The following MAML2 variants were observed in gnomAD, a reference collection of about 807,000 sequenced individuals.
The protein encoded by MAML2 is mastermind like transcriptional coactivator 2, also known as mastermind-like protein 2.
In MAML2, 22 loss-of-function variants were observed where a neutral mutation model predicts 96.1. The observed-to-expected ratio is 0.23, with a 90% CI of 0.16 to 0.33. The LOEUF (loss-of-function observed/expected upper bound fraction) is 0.33. Among genes scored for constraint, MAML2 ranks in the 10% least tolerant of loss-of-function variants. The probability of loss-of-function intolerance (pLI) is 1.00; values close to 1 mark genes in which losing one functional copy is unlikely to be tolerated. For synonymous variants in MAML2, 561 were observed against 521.3 expected (o/e 1.08, Z -1.04); for missense variants, 1,367 against 1,392.4 (o/e 0.98, Z 0.29).
At chr11:95,997,722 A>G (rs1476461462) in intron 2 of MAML2, among the ~76,000 whole-genome samples, 1 of 152,118 alleles carries the variant, frequency 6.6e-6, no homozygotes, top group African/African-American at 2.4e-5. Flanking sequence ...CTTCATTTCA[A>G]TATTTCTGAG....
chr11:96,116,526 C>T (rs1860246052), intron 1 of MAML2, among the ~76,000 whole-genome samples: 1 of 152,152 alleles, frequency 6.6e-6, no homozygotes, highest in African/African-American at 2.4e-5. Context: ...AGTAGGAGGT[C>T]CTGGCTTGTG....
chr11:96,333,572 G>A (rs989867557), intron 1 of MAML2, among the ~76,000 whole-genome samples: 3 of 152,146 alleles, frequency 2.0e-5, no homozygotes, highest in East Asian at 1.9e-4. Flanking sequence ...ATGGAAAACC[G>A]CACTTGAGGA....
At chr11:96,206,899 A>G (rs547595582) in intron 1 of MAML2, among the ~76,000 whole-genome samples, 132 of 152,368 alleles carry the variant, frequency 8.7e-4, no homozygotes, top group Non-Finnish European at 1.1e-3. Context: ...AATCTTTTAA[A>G]AATATCATGT....
intron 1 of MAML2, among the ~76,000 whole-genome samples, chr11:96,247,800 C>T (rs1328191418): frequency 6.6e-6 from 1 of 152,120 alleles, no homozygotes; most frequent in Non-Finnish European, 1.5e-5. Context: ...AATTCTTACT[C>T]CCAGTTGCTG....
intron 2 of MAML2, among the ~76,000 whole-genome samples, chr11:96,038,882 A>G (rs2135754118): frequency 6.6e-6 from 1 of 152,334 alleles, no homozygotes; most frequent in East Asian, 1.9e-4. Context: ...TATCTTCAGC[A>G]CTTAGTATAG....
At chr11:96,325,944 C>G (rs1344001739) in intron 1 of MAML2, among the ~76,000 whole-genome samples, 1 of 152,050 alleles carries the variant, frequency 6.6e-6, no homozygotes. Context: ...TTATGGTTAT[C>G]ACCTTCCACA....
Position 95,979,515 on chromosome 11 carries a change from A to G in MAML2, c.2904T>C (p.Ser968=). Reference sequence around the variant, plus strand: ...CTTGCTGTTTGCTTGTTCCTTCTTGAGAGGCCCAGTTTGGTGCAGTTGTGT... The same window carrying G: ...CTTGCTGTTTGCTTGTTCCTTCTTGGGAGGCCCAGTTTGGTGCAGTTGTGT... ...TSNTTAPNWA[S]QEGTSKQQEA... The change falls in exon 5 of 5, where the codon TCT becomes TCC. Residue 968 remains serine (S), a synonymous_variant. Transcript: ENST00000524717. 6.2e-7 allele frequency: 1 copy of G among 1,613,416 alleles called. No individual in the cohort carries two copies. The highest frequency in any genetic ancestry group is 8.5e-7 in the Non-Finnish European group (1 of 1,179,754).
chr11:96,061,872 C>T (rs530419693), intron 2 of MAML2, among the ~76,000 whole-genome samples: 3 of 152,014 alleles, frequency 2.0e-5, no homozygotes, highest in African/African-American at 7.2e-5. Context: ...TCTTAATACA[C>T]CTCATAGATA....
At chr11:96,237,991 T>C (rs890071286) in intron 1 of MAML2, among the ~76,000 whole-genome samples, 12 of 152,380 alleles carry the variant, frequency 7.9e-5, no homozygotes, top group Non-Finnish European at 1.3e-4. Flanking sequence ...TCTGCCTGTA[T>C]GGACAAAGTC....
intron 1 of MAML2, among the ~76,000 whole-genome samples, chr11:96,097,123 G>T: frequency 6.6e-6 from 1 of 152,172 alleles, no homozygotes; most frequent in Admixed American, 6.5e-5. Flanking sequence ...TATCTCCTTT[G>T]CTGGACTAAA....
At chr11:96,295,824 T>A (rs181683242) in intron 1 of MAML2, among the ~76,000 whole-genome samples, 1 of 151,896 alleles carries the variant, frequency 6.6e-6, no homozygotes, top group African/African-American at 2.4e-5. Context: ...AGTAAATTCA[T>A]AATCATTCAT....
At chr11:96,254,282 T>C (rs1428082584) in intron 1 of MAML2, among the ~76,000 whole-genome samples, 1 of 151,808 alleles carries the variant, frequency 6.6e-6, no homozygotes, top group Non-Finnish European at 1.5e-5. Context: ...GCACAAAACA[T>C]CCTTTGTTGC....
chr11:96,119,505 C>T (rs1860299080), intron 1 of MAML2, among the ~76,000 whole-genome samples: 1 of 152,190 alleles, frequency 6.6e-6, no homozygotes, highest in African/African-American at 2.4e-5. Context: ...AGGTTCATTT[C>T]AATTTCTGAC....
chr11:96,260,160 G>A (rs776218614), intron 1 of MAML2, among the ~76,000 whole-genome samples: 1 of 152,058 alleles, frequency 6.6e-6, no homozygotes, highest in Non-Finnish European at 1.5e-5. Context: ...TGTGTGTGTG[G>A]GAGTGGAGTC....
chr11:96,071,594 T>C (rs928257093), intron 2 of MAML2, among the ~76,000 whole-genome samples: 16 of 152,186 alleles, frequency 1.1e-4, no homozygotes, highest in African/African-American at 3.9e-4. Context: ...TGAACAGGAT[T>C]GGAATTCTCA....
chr11:96,258,338 T>C lies in MAML2; in HGVS notation c.513+83045A>G, dbSNP rs879005038. Among the ~76,000 whole-genome samples the C allele has an allele frequency of 7.2e-5, 11 of 152,208 alleles. 1 individual carries two copies. The highest frequency in any genetic ancestry group is 6.8e-3 in the Middle Eastern group (2 of 294). On this transcript the variant is annotated intron_variant, in intron 1 of 4. Coordinates refer to ENST00000524717, the MANE Select transcript of MAML2 (RefSeq NM_032427.4). The stretch of plus-strand genomic sequence containing the variant: ...GGGAGAAAACTACGACAAAAAACAT[T>C]AGCAGCAAGAAAAAATGTTTGTTTC...
At chr11:96,262,528 C>T (rs931807414) in intron 1 of MAML2, among the ~76,000 whole-genome samples, 6 of 151,364 alleles carry the variant, frequency 4.0e-5, no homozygotes, top group African/African-American at 7.3e-5. Flanking sequence ...AGTGCAGTGG[C>T]GCAATCTCAG....
chr11:96,079,361 T>C (rs1859497181), intron 2 of MAML2, among the ~76,000 whole-genome samples: 2 of 152,152 alleles, frequency 1.3e-5, no homozygotes, highest in Non-Finnish European at 2.9e-5. Flanking sequence ...TATCTGACAT[T>C]GGATTAAACA....
At chr11:96,291,829 A>G (rs913110497) in intron 1 of MAML2, among the ~76,000 whole-genome samples, 20 of 152,166 alleles carry the variant, frequency 1.3e-4, no homozygotes, top group African/African-American at 4.3e-4. Context: ...GTTGTAGAGA[A>G]CAATCACTTG....
Sources: allele counts gnomAD v4.1 joint callset (sites outside exome capture counted in the v4.1 genomes callset), GRCh38; gene constraint gnomAD v4.1.1; transcripts MANE v1.5; gene names NCBI Gene and HGNC (gene_info 2026-07-23, HGNC 2026-07-21).